DACH2: variants seen among roughly 807,000 people sequenced by gnomAD.
DACH2 encodes dachshund homolog 2.
DACH2 carries 17 observed loss-of-function variants against 35.8 expected under a neutral mutation model. That is an observed-to-expected ratio of 0.48 (90% CI 0.33 to 0.71). The LOEUF is 0.71. Among genes scored for constraint, DACH2 ranks in the 30% least tolerant of loss-of-function variants. The pLI is 0.02. For missense variants in DACH2, 469 were observed against 472.7 expected, an observed-to-expected ratio of 0.99 and a Z score of 0.07; for synonymous variants, 195 against 177.3, an observed-to-expected ratio of 1.10 and a Z score of -0.79.
At chrX:86,805,855 A>ATAAG (rs1328734885) in intron 7 of DACH2, among the ~76,000 whole-genome samples, 43 of 111,889 alleles carry the variant, frequency 3.8e-4, no homozygotes, top group African/African-American at 1.3e-3. Flanking sequence ...CCAGTTTCCA[A>ATAAG]TAAGTTTCTC....
In DACH2 at chrX:86,679,632, G is replaced by C. The variant is rs1003172343; in HGVS notation, c.773-15389G>C. On this transcript the variant is annotated intron_variant, in intron 4 of 11. Coordinates refer to ENST00000373125, the MANE Select transcript of DACH2 (RefSeq NM_053281.3). ...TCTCTGTCTCTGTGTGTGTGTGTGTGTGTGTGTGTGTGTGTGTGTGTGTGT... is the reference window on the plus strand; with the variant it reads ...TCTCTGTCTCTGTGTGTGTGTGTGTCTGTGTGTGTGTGTGTGTGTGTGTGT... 1.6e-3 allele frequency among the ~76,000 whole-genome samples: 169 copies of C among 107,093 alleles called. 1 individual carries two copies. Among genetic ancestry groups the C allele is most frequent in the Non-Finnish European group, 2.7e-3 (142 of 51,724 alleles). The allele number at this position is 107,093 out of a possible 115,157, so 93.0% of individuals were successfully genotyped here. A position where few individuals can be genotyped will look rare whatever the true frequency, so the allele number is the denominator to read the frequency against.
chrX:86,200,749 C>G (rs942741890), intron 1 of DACH2, among the ~76,000 whole-genome samples: 1 of 109,417 alleles, frequency 9.1e-6, no homozygotes, highest in African/African-American at 3.3e-5. Context: ...CCATCTCATA[C>G]CTCTTAGAAT....
chrX:86,500,600 A>G (rs919500003), intron 2 of DACH2, among the ~76,000 whole-genome samples: 1 of 111,997 alleles, frequency 8.9e-6, no homozygotes, highest in African/African-American at 3.2e-5. Context: ...TATCTGGAAC[A>G]CAACTTATTT....
chrX:86,551,231 G>A (rs2039044636), intron 3 of DACH2, among the ~76,000 whole-genome samples: 2 of 111,734 alleles, frequency 1.8e-5, no homozygotes, highest in African/African-American at 6.5e-5. Context: ...TAATAGCAGA[G>A]TGCCTATGAC....
chrX:86,185,427 A>T (rs2031652839), intron 1 of DACH2, among the ~76,000 whole-genome samples: 1 of 111,326 alleles, frequency 9.0e-6, no homozygotes, highest in Non-Finnish European at 1.9e-5. Flanking sequence ...ATGAGATGGG[A>T]CAGGGGCTAA....
At chrX:86,600,756 C>T (rs182825130) in intron 3 of DACH2, among the ~76,000 whole-genome samples, 1 of 111,754 alleles carries the variant, frequency 8.9e-6, no homozygotes, top group East Asian at 2.8e-4. Flanking sequence ...TTCCTAAGCT[C>T]TCCTGTACCT....
chrX:86,163,185 C>T (rs2030825813), intron 1 of DACH2, among the ~76,000 whole-genome samples: 1 of 110,950 alleles, frequency 9.0e-6, no homozygotes, highest in African/African-American at 3.3e-5. Context: ...CCCCACCTTC[C>T]CTCCAGCCCT....
chrX:86,671,818 T>C (rs1458117034), intron 4 of DACH2, among the ~76,000 whole-genome samples: 1 of 111,887 alleles, frequency 8.9e-6, no homozygotes, highest in Non-Finnish European at 1.9e-5. Context: ...GCTTTGAAAC[T>C]GGGTAATGGG....
At chrX:86,228,042 T>C (rs1030132758) in intron 1 of DACH2, among the ~76,000 whole-genome samples, 7 of 110,293 alleles carry the variant, frequency 6.3e-5, no homozygotes, top group African/African-American at 1.7e-4. Flanking sequence ...TAGTGGAGAT[T>C]TGTGAGAACC....
rs191142319 is a variant in DACH2 at position 86,265,264 on chromosome X, C to A, written c.489-111560C>A. On this transcript the variant is annotated intron_variant, in intron 1 of 11. Transcript: ENST00000373125. Reference sequence around the variant, plus strand: ...CCAGTCTTCCTAGAGTGTAAGTGATCTTCTCTTAAGGAAACATATTTATTT... The same window carrying A: ...CCAGTCTTCCTAGAGTGTAAGTGATATTCTCTTAAGGAAACATATTTATTT... Among the ~76,000 whole-genome samples the A allele has an allele frequency of 5.4e-5, 6 of 111,271 alleles. No individual in the cohort carries two copies. In the Admixed American group the frequency reaches 5.7e-4, roughly 11 times the overall value.
chrX:86,474,826 T>G (rs184642923), intron 2 of DACH2, among the ~76,000 whole-genome samples: 207 of 111,958 alleles, frequency 1.8e-3, no homozygotes, highest in African/African-American at 6.5e-3. Context: ...CTCCGCTTCC[T>G]GGGTTCAAGC....
chrX:86,158,617 C>T (rs370490351), intron 1 of DACH2, among the ~76,000 whole-genome samples: 17 of 109,537 alleles, frequency 1.6e-4, no homozygotes, highest in African/African-American at 5.7e-4. Flanking sequence ...GTGCTGTGAA[C>T]GAAATGAACA....
intron 3 of DACH2, among the ~76,000 whole-genome samples, chrX:86,571,777 C>A (rs760791002): frequency 9.0e-6 from 1 of 110,540 alleles, no homozygotes; most frequent in Non-Finnish European, 1.9e-5. Flanking sequence ...TAATTAATTT[C>A]TTCTAACAAA....
At chrX:86,666,833 T>C (rs946365136) in intron 4 of DACH2, among the ~76,000 whole-genome samples, 1 of 111,496 alleles carries the variant, frequency 9.0e-6, no homozygotes, top group African/African-American at 3.3e-5. Context: ...ATAATCCAGA[T>C]ATTGTTTCAT....
chrX:86,578,878 T>G (rs1383763802), intron 3 of DACH2, among the ~76,000 whole-genome samples: 1 of 111,816 alleles, frequency 8.9e-6, no homozygotes, highest in Non-Finnish European at 1.9e-5. Flanking sequence ...CAGTAATGTT[T>G]GTTCTAGTTG....
intron 2 of DACH2, among the ~76,000 whole-genome samples, chrX:86,491,417 C>T (rs957710400): frequency 8.9e-6 from 1 of 111,839 alleles, no homozygotes; most frequent in African/African-American, 3.2e-5. Flanking sequence ...ATGTTTGCTT[C>T]TATATGAAAA....
At chrX:86,518,271 G>T (rs2038500837) in intron 3 of DACH2, among the ~76,000 whole-genome samples, 2 of 111,987 alleles carry the variant, frequency 1.8e-5, no homozygotes, top group Admixed American at 1.9e-4. Context: ...GTTTTTGTAT[G>T]AATACAATGC....
intron 3 of DACH2, among the ~76,000 whole-genome samples, chrX:86,593,831 G>GT (rs2039679599): frequency 9.0e-6 from 1 of 110,679 alleles, no homozygotes; most frequent in African/African-American, 3.3e-5. Context: ...ATTTTTATCT[G>GT]TTTTTTTATT....
intron 1 of DACH2, among the ~76,000 whole-genome samples, chrX:86,291,577 T>C (rs1174080969): frequency 9.2e-6 from 1 of 108,874 alleles, no homozygotes; most frequent in East Asian, 2.9e-4. Context: ...TAGATAGCTC[T>C]TATTATTTTG....
Sources: allele counts gnomAD v4.1 joint callset (sites outside exome capture counted in the v4.1 genomes callset), GRCh38; gene constraint gnomAD v4.1.1; transcripts MANE v1.5; gene names NCBI Gene and HGNC (gene_info 2026-07-23, HGNC 2026-07-21).